The following FREM1 variants were observed in gnomAD, a reference collection of about 807,000 sequenced individuals.
The protein encoded by FREM1 is FRAS1 related extracellular matrix 1.
In FREM1, 220 loss-of-function variants were observed where a neutral mutation model predicts 210.1. The ratio of observed to expected loss-of-function variants is 1.05; its 90% CI spans 0.94 to 1.17. FREM1 has a LOEUF of 1.17. FREM1 is among the 50% of genes most tolerant of loss of function. The pLI is 0.00. For synonymous variants in FREM1, 1,189 were observed against 980.2 expected, an observed-to-expected ratio of 1.21 and a Z score of -3.98; for missense variants, 3,454 against 2,675.5, an observed-to-expected ratio of 1.29 and a Z score of -6.42.
chr9:14,846,465 CATGTATACCT>C (rs1364703134), intron 7 of FREM1, among the ~76,000 whole-genome samples: 7 of 152,108 alleles, frequency 4.6e-5, no homozygotes, highest in Admixed American at 1.3e-4. Flanking sequence ...CACCATGGCA[CATGTATACCT>C]ATGTAACAAA....
chr9:14,774,479 G>A (rs1040575135), intron 25 of FREM1, among the ~76,000 whole-genome samples: 3 of 150,250 alleles, frequency 2.0e-5, no homozygotes, highest in African/African-American at 7.4e-5. Flanking sequence ...CCCTAAAATT[G>A]CATGAGCCAA....
intron 23 of FREM1, among the ~76,000 whole-genome samples, chr9:14,784,915 T>G (rs1471991412): frequency 6.6e-6 from 1 of 152,240 alleles, no homozygotes; most frequent in African/African-American, 2.4e-5. Context: ...TCTCATAACT[T>G]TTTGATTGGC....
intron 24 of FREM1, among the ~76,000 whole-genome samples, chr9:14,780,725 A>G (rs1480219252): frequency 1.3e-5 from 2 of 152,262 alleles, no homozygotes; most frequent in East Asian, 3.8e-4. Flanking sequence ...CCTCTGCCAC[A>G]GAATTTATCT....
At chr9:14,747,552 C>T (rs1250173123) in intron 32 of FREM1, 124 bp from the exon 33 acceptor site, 1 of 1,084,134 alleles carries the variant, frequency 9.2e-7, no homozygotes, top group Middle Eastern at 3.0e-4. Flanking sequence ...TCTCTGAACA[C>T]CCAAGCCTCT....
intron 1 of FREM1, among the ~76,000 whole-genome samples, chr9:14,883,955 A>T (rs1835288094): frequency 6.6e-6 from 1 of 152,148 alleles, no homozygotes. Flanking sequence ...CTCGGACTTG[A>T]TTCAAATCCT....
At chr9:14,887,437 G>A (rs1836015727) in intron 1 of FREM1, among the ~76,000 whole-genome samples, 1 of 152,180 alleles carries the variant, frequency 6.6e-6, no homozygotes, top group South Asian at 2.1e-4. Flanking sequence ...ATACTACAAA[G>A]CAGCACTGGG....
chr9:14,849,774 G>A (rs1048782330), intron 6 of FREM1, among the ~76,000 whole-genome samples: 4 of 152,102 alleles, frequency 2.6e-5, no homozygotes, highest in African/African-American at 9.7e-5. Flanking sequence ...GAGAGTTACT[G>A]TCTAACGAAA....
chr9:14,825,535 A>ATGTGTGTGTG (rs1237770928), intron 10 of FREM1, among the ~76,000 whole-genome samples: 11 of 108,688 alleles, frequency 1.0e-4, no homozygotes, highest in African/African-American at 2.8e-4. Flanking sequence ...ATATATATAT[A>ATGTGTGTGTG]TGTGTGTGTG....
intron 8 of FREM1, among the ~76,000 whole-genome samples, chr9:14,844,246 GA>G (rs1326598154): frequency 8.7e-5 from 12 of 137,418 alleles, no homozygotes; most frequent in African/African-American, 2.9e-4. Flanking sequence ...TTTTTCTTTA[GA>G]CGGAGTCTCC....
At position 14,797,581 on chromosome 9, in the gene FREM1, T is replaced by C. The variant is rs373197206; in HGVS notation, c.3756A>G (p.Gln1252=). The C allele has an allele frequency of 8.3e-5, 134 of 1,612,524 alleles. No individual in the cohort carries two copies. The highest frequency in any genetic ancestry group is 5.0e-4 in the Middle Eastern group (3 of 6,054). ...GTATCTTATGTTTCCCATCTGACAA[T>C]TGGATTGTAAAATCATCAGCAAGGC... ...SESLADDFTI[Q]LSDGKHKILK... Residue 1252 remains glutamine (Q), a synonymous_variant, in exon 21 of 37, where the codon CAA becomes CAG. Transcript: ENST00000380880.
chr9:14,746,388 G>A lies in FREM1; in HGVS notation c.6219C>T (p.Gly2073=). The change falls in exon 35 of 37, where the codon GGC becomes GGT. Residue 2073 remains glycine (G), a synonymous_variant. Transcript: ENST00000380880. Reference sequence around the variant, plus strand: ...AAGCTTGGGCAGCCGCATTCCAGGTGCCTTTCTGCTCTGTGATCAAGATGT... The same window carrying A: ...AAGCTTGGGCAGCCGCATTCCAGGTACCTTTCTGCTCTGTGATCAAGATGT... ...YCHILITEQK[G]TWNAAAQACR... The A allele has an allele frequency of 6.2e-7, 1 of 1,613,806 alleles. No homozygotes were observed. The highest frequency in any genetic ancestry group is 8.5e-7 in the Non-Finnish European group (1 of 1,179,730).
At chr9:14,804,919 A>T in intron 19 of FREM1, 37 bp downstream of exon 19, 2 of 1,495,332 alleles carry the variant, frequency 1.3e-6, no homozygotes, top group Non-Finnish European at 1.9e-6. Flanking sequence ...AATCAAAATG[A>T]TAAAAGAGAA....
chr9:14,872,159 T>G (rs1009113809), intron 1 of FREM1, among the ~76,000 whole-genome samples: 15 of 152,194 alleles, frequency 9.9e-5, no homozygotes, highest in African/African-American at 3.6e-4. Context: ...GGGCTCTTTT[T>G]TGGTTCCATA....
chr9:14,768,181 G>A (rs533425779), intron 27 of FREM1, among the ~76,000 whole-genome samples: 3 of 152,100 alleles, frequency 2.0e-5, no homozygotes, highest in South Asian at 2.1e-4. Flanking sequence ...GCTACACTGC[G>A]CTCACACATG....
At chr9:14,869,914 G>A (rs978142372) in intron 1 of FREM1, among the ~76,000 whole-genome samples, 2 of 152,144 alleles carry the variant, frequency 1.3e-5, no homozygotes, top group Admixed American at 6.5e-5. Flanking sequence ...ATGGACATGC[G>A]TATTTATACT....
intron 34 of FREM1, among the ~76,000 whole-genome samples, chr9:14,746,669 T>C (rs541983875): frequency 1.3e-5 from 2 of 152,360 alleles, no homozygotes; most frequent in South Asian, 2.1e-4. Flanking sequence ...CAACGTTTCA[T>C]TGTTACAACT....
intron 2 of FREM1, among the ~76,000 whole-genome samples, chr9:14,867,180 A>G (rs1020379211): frequency 1.3e-5 from 2 of 152,056 alleles, no homozygotes; most frequent in African/African-American, 2.4e-5. Context: ...TTTCGACCCC[A>G]GTCCCTGTAG....
intron 1 of FREM1, among the ~76,000 whole-genome samples, chr9:14,872,308 T>C (rs529913325): frequency 1.6e-4 from 24 of 152,324 alleles, no homozygotes; most frequent in African/African-American, 2.9e-4. Context: ...GAGCATGGAA[T>C]GTTCTTCCAT....
In FREM1 at chr9:14,848,714, G is replaced by A. The variant is rs987320913; in HGVS notation, c.1212C>T (p.Ile404=). ...CATTTGTATCTGCTGTTCTGATGGA[G>A]ATGTGGACTGTCATAGGTGCACTCC... is the stretch of plus-strand genomic sequence containing the variant. The part of the protein sequence containing the change: ...FERSAPMTVH[I]SIRTADTNAP... The change falls in exon 7 of 37, where the codon ATC becomes ATT. Residue 404 remains isoleucine (I), a synonymous_variant. Transcript: ENST00000380880. 5.0e-6 allele frequency: 8 copies of A among 1,612,960 alleles called. No homozygotes were observed. Among genetic ancestry groups the A allele is most frequent in the Admixed American group, 1.7e-5 (1 of 59,998 alleles).
Sources: allele counts gnomAD v4.1 joint callset (sites outside exome capture counted in the v4.1 genomes callset), GRCh38; gene constraint gnomAD v4.1.1; transcripts MANE v1.5; gene names NCBI Gene and HGNC (gene_info 2026-07-23, HGNC 2026-07-21).